The following LARP1 variants were observed in gnomAD, a reference collection of about 807,000 sequenced individuals.
The protein encoded by LARP1 is la-related protein 1.
Under a neutral mutation model 122.7 loss-of-function variants are expected in LARP1, and 36 were observed. The ratio of observed to expected loss-of-function variants is 0.29; its 90% CI spans 0.22 to 0.39. The LOEUF (loss-of-function observed/expected upper bound fraction) is 0.39. LARP1 is among the 10% of genes least tolerant of loss of function. LARP1 has a pLI of 1.00. For synonymous variants in LARP1, 539 were observed against 528.7 expected (o/e 1.02, Z -0.27); for missense variants, 1,040 against 1,403.6 (o/e 0.74, Z 4.14).
intron 1 of LARP1, among the ~76,000 whole-genome samples, chr5:154,739,255 C>T (rs1283266331): frequency 1.3e-5 from 2 of 152,044 alleles, no homozygotes; most frequent in Admixed American, 1.3e-4. Flanking sequence ...CTCCTGACCT[C>T]GTGATCCGCC....
chr5:154,752,424 G>A (rs1007280930), upstream of LARP1, among the ~76,000 whole-genome samples: 3 of 151,514 alleles, frequency 2.0e-5, no homozygotes, highest in South Asian at 6.3e-4. Flanking sequence ...TGTATTTTTA[G>A]TACAGACAGT....
At position 154,808,654 on chromosome 5, in the gene LARP1, G is replaced by A. The variant is rs74974055; in HGVS notation, c.2843+51G>A. 1.9e-6 allele frequency: 3 copies of A among 1,554,192 alleles called. 1 individual carries two copies. The highest frequency in any genetic ancestry group is 1.8e-5 in the Admixed American group (1 of 55,054). ...TGGCTGGTGCTTAGGGATGATGTGGGATCCCTAGTTGGTCTGCTTCCAGAA... is the reference window on the plus strand; with the variant it reads ...TGGCTGGTGCTTAGGGATGATGTGGAATCCCTAGTTGGTCTGCTTCCAGAA... On this transcript the variant is annotated intron_variant, in intron 16 of 18. Transcript: ENST00000518297.
chr5:154,708,309 G>C (rs1366489967), upstream of LARP1, among the ~76,000 whole-genome samples: 3 of 152,164 alleles, frequency 2.0e-5, no homozygotes, highest in Admixed American at 1.3e-4. Context: ...CATAGTGGTC[G>C]TTGTCCCCTG....
At chr5:154,739,847 A>G (rs1215500198) in intron 1 of LARP1, among the ~76,000 whole-genome samples, 3 of 152,164 alleles carry the variant, frequency 2.0e-5, no homozygotes, top group African/African-American at 7.2e-5. Context: ...TTGGGCTGGG[A>G]TCCACTGTCT....
intron 1 of LARP1, among the ~76,000 whole-genome samples, chr5:154,776,307 T>TA (rs1450860175): frequency 6.6e-6 from 1 of 152,210 alleles, no homozygotes; most frequent in Non-Finnish European, 1.5e-5. Context: ...TTACAAAACT[T>TA]AAACCCCAGC....
At chr5:154,794,859 T>A (rs1165182074) in intron 7 of LARP1, among the ~76,000 whole-genome samples, 1 of 151,820 alleles carries the variant, frequency 6.6e-6, no homozygotes, top group Non-Finnish European at 1.5e-5. Context: ...TGCAATAGAG[T>A]GTTTATAAGT....
chr5:154,801,221 T>A (rs1480428299), intron 10 of LARP1, among the ~76,000 whole-genome samples: 1 of 152,264 alleles, frequency 6.6e-6, no homozygotes, highest in African/African-American at 2.4e-5. Context: ...CACCGTGTTT[T>A]CTCTTGCCTT....
At chr5:154,685,786 C>T (rs1365178596) in intron 1 of LARP1, 1 of 503,456 alleles carries the variant, frequency 2.0e-6, no homozygotes, top group Non-Finnish European at 3.9e-6. Flanking sequence ...GGCTGGGCAA[C>T]ATAGCGAGAC....
upstream of LARP1, among the ~76,000 whole-genome samples, chr5:154,711,264 C>G (rs1240560139): frequency 6.6e-6 from 1 of 151,942 alleles, no homozygotes. Context: ...GCCTCAGCCT[C>G]CTGAGTAGCT....
chr5:154,776,561 G>A (rs944176851), intron 1 of LARP1, among the ~76,000 whole-genome samples: 4 of 152,242 alleles, frequency 2.6e-5, no homozygotes, highest in African/African-American at 9.6e-5. Context: ...CTTCCTGGCA[G>A]TCTCACTCAT....
chr5:154,714,694 C>A (rs1443208563), intron 1 of LARP1, among the ~76,000 whole-genome samples: 3 of 152,094 alleles, frequency 2.0e-5, no homozygotes, highest in African/African-American at 7.2e-5. Context: ...GTAAATAAAT[C>A]TCAGAGAATG....
At chr5:154,787,591 A>G (rs1561603671) in intron 1 of LARP1, among the ~76,000 whole-genome samples, 2 of 152,202 alleles carry the variant, frequency 1.3e-5, no homozygotes, top group Non-Finnish European at 2.9e-5. Flanking sequence ...TAACAAATCT[A>G]TGAATTTTAG....
At chr5:154,741,249 C>G (rs1752868362) in intron 1 of LARP1, among the ~76,000 whole-genome samples, 1 of 152,204 alleles carries the variant, frequency 6.6e-6, no homozygotes, top group Admixed American at 6.5e-5. Flanking sequence ...TCAGTAACAC[C>G]TCTTTTAAAT....
chr5:154,775,807 G>GATTTCATA (rs1755833008), intron 1 of LARP1, among the ~76,000 whole-genome samples: 1 of 152,156 alleles, frequency 6.6e-6, no homozygotes, highest in Admixed American at 6.6e-5. Flanking sequence ...GGTAGCCTGG[G>GATTTCATA]ATTTCATATC....
intron 1 of LARP1, among the ~76,000 whole-genome samples, chr5:154,716,517 C>T (rs559973021): frequency 5.2e-4 from 79 of 152,214 alleles, no homozygotes; most frequent in Non-Finnish European, 1.0e-3. Context: ...GGAGCCATCT[C>T]GGCTCACTGC....
chr5:154,812,075 G>T (rs1480118079), intron 18 of LARP1, among the ~76,000 whole-genome samples: 1 of 152,138 alleles, frequency 6.6e-6, no homozygotes, highest in Non-Finnish European at 1.5e-5. Flanking sequence ...TGGCAGGGCT[G>T]GGTTATTACT....
intron 1 of LARP1, among the ~76,000 whole-genome samples, chr5:154,779,253 C>G (rs1756196169): frequency 6.6e-6 from 1 of 152,160 alleles, no homozygotes; most frequent in Non-Finnish European, 1.5e-5. Flanking sequence ...AGTTGCTTGG[C>G]TCTCATTGAT....
chr5:154,777,889 T>C, intron 1 of LARP1, among the ~76,000 whole-genome samples: 1 of 152,194 alleles, frequency 6.6e-6, no homozygotes, highest in East Asian at 1.9e-4. Flanking sequence ...GGCAGCTCTA[T>C]TATAATCTTA....
At chr5:154,758,440 A>G (rs1275370993) in intron 1 of LARP1, among the ~76,000 whole-genome samples, 2 of 152,210 alleles carry the variant, frequency 1.3e-5, no homozygotes, top group Non-Finnish European at 2.9e-5. Flanking sequence ...ACTCAAGTTA[A>G]TCCAGTAGCT....
Sources: gnomAD v4.1 joint callset for allele counts (sites outside exome capture counted in the v4.1 genomes callset) on GRCh38, gnomAD v4.1.1 for gene constraint, MANE v1.5 for transcripts, NCBI Gene and HGNC (gene_info 2026-07-23, HGNC 2026-07-21) for gene names.